The following UNC5C variants were observed in gnomAD, a reference collection of about 807,000 sequenced individuals.
The protein encoded by UNC5C is unc-5 netrin receptor C.
Under a neutral mutation model 99.8 loss-of-function variants are expected in UNC5C, and 47 were observed. That is an observed-to-expected ratio of 0.47 (90% CI 0.37 to 0.60). The LOEUF (loss-of-function observed/expected upper bound fraction) is 0.60, where lower values mean the gene tolerates loss of function less well. Among genes scored for constraint, UNC5C ranks in the 20% least tolerant of loss-of-function variants. UNC5C has a pLI of 0.00. For missense variants in UNC5C, 1,062 were observed against 1,165.9 expected (o/e 0.91, Z 1.30); for synonymous variants, 487 against 452.2 (o/e 1.08, Z -0.98).
intron 3 of UNC5C, among the ~76,000 whole-genome samples, chr4:95,295,596 C>A (rs1399787331): frequency 2.0e-5 from 3 of 152,160 alleles, no homozygotes; most frequent in African/African-American, 4.8e-5. Flanking sequence ...CATGAAAGAA[C>A]TATGGGCCCC....
chr4:95,490,976 T>G (rs992302789), intron 1 of UNC5C, among the ~76,000 whole-genome samples: 2 of 151,674 alleles, frequency 1.3e-5, no homozygotes, highest in African/African-American at 4.8e-5. Flanking sequence ...GGGAATGTTT[T>G]TATCTAGTGT....
chr4:95,324,604 A>G (rs1189884240), intron 2 of UNC5C, among the ~76,000 whole-genome samples: 1 of 152,190 alleles, frequency 6.6e-6, no homozygotes, highest in African/African-American at 2.4e-5. Context: ...GGTCTCATTC[A>G]TATCCCCTCA....
At chr4:95,213,312 T>C (rs1252663947) in intron 10 of UNC5C, among the ~76,000 whole-genome samples, 2 of 152,248 alleles carry the variant, frequency 1.3e-5, no homozygotes, top group African/African-American at 4.8e-5. Context: ...TGCAAACTGC[T>C]ACTAGAAACA....
At chr4:95,386,212 C>G (rs539556539) in intron 1 of UNC5C, among the ~76,000 whole-genome samples, 11 of 150,398 alleles carry the variant, frequency 7.3e-5, no homozygotes, top group African/African-American at 2.7e-4. Context: ...TTTGACACAA[C>G]TTTTTTTTTT....
intron 1 of UNC5C, among the ~76,000 whole-genome samples, chr4:95,451,863 C>A (rs1225194139): frequency 1.3e-5 from 2 of 152,072 alleles, no homozygotes; most frequent in Admixed American, 6.6e-5. Context: ...CTATCTTATA[C>A]TATATGTCTT....
At chr4:95,311,814 C>A (rs1742286571) in intron 2 of UNC5C, among the ~76,000 whole-genome samples, 1 of 152,170 alleles carries the variant, frequency 6.6e-6, no homozygotes, top group Middle Eastern at 3.4e-3. Context: ...GAGGCCTAGG[C>A]AAGAGGATTG....
chr4:95,415,371 A>C (rs758248590), intron 1 of UNC5C, among the ~76,000 whole-genome samples: 2 of 152,106 alleles, frequency 1.3e-5, no homozygotes, highest in Non-Finnish European at 2.9e-5. Context: ...AAACAAAACA[A>C]AACCCTACAG....
At chr4:95,195,606 CAGG>C (rs1272144759) in intron 12 of UNC5C, among the ~76,000 whole-genome samples, 3 of 152,062 alleles carry the variant, frequency 2.0e-5, no homozygotes, top group Non-Finnish European at 4.4e-5. Context: ...GAGGAAATGC[CAGG>C]AGGACATCAG....
intron 1 of UNC5C, among the ~76,000 whole-genome samples, chr4:95,457,619 G>A (rs1747479474): frequency 6.6e-6 from 1 of 152,038 alleles, no homozygotes; most frequent in Admixed American, 6.6e-5. Flanking sequence ...TGGAGTACCA[G>A]GGTCAAACTG....
At chr4:95,252,580 G>A (rs1387297256) in intron 4 of UNC5C, among the ~76,000 whole-genome samples, 1 of 152,146 alleles carries the variant, frequency 6.6e-6, no homozygotes, top group Non-Finnish European at 1.5e-5. Flanking sequence ...GAAGTCCCTT[G>A]CAGGGATGAG....
chr4:95,343,719 G>C (rs1345997689), intron 1 of UNC5C, among the ~76,000 whole-genome samples: 8 of 152,032 alleles, frequency 5.3e-5, no homozygotes, highest in Admixed American at 5.3e-4. Context: ...AATTATATCA[G>C]ATACATTTAG....
At chr4:95,386,462 T>A (rs1168984602) in intron 1 of UNC5C, among the ~76,000 whole-genome samples, 2 of 152,146 alleles carry the variant, frequency 1.3e-5, no homozygotes, top group African/African-American at 2.4e-5. Context: ...TTCAATCTTA[T>A]CTCTTTCTTT....
chr4:95,253,056 A>C (rs2149382949), intron 4 of UNC5C, among the ~76,000 whole-genome samples: 1 of 152,254 alleles, frequency 6.6e-6, no homozygotes, highest in African/African-American at 2.4e-5. Context: ...TGAAGTCCAA[A>C]ACAATTCTGG....
chr4:95,438,342 G>A (rs555544807), intron 1 of UNC5C, among the ~76,000 whole-genome samples: 1 of 152,186 alleles, frequency 6.6e-6, no homozygotes, highest in African/African-American at 2.4e-5. Context: ...TATCAGTGCA[G>A]ATTAGAAGAA....
intron 10 of UNC5C, among the ~76,000 whole-genome samples, chr4:95,212,888 C>T (rs1351458419): frequency 1.3e-5 from 2 of 152,234 alleles, no homozygotes; most frequent in African/African-American, 4.8e-5. Context: ...TCTCCATTCT[C>T]TCAGACTGGG....
chr4:95,535,051 G>A (rs1722739766), intron 1 of UNC5C, among the ~76,000 whole-genome samples: 1 of 152,096 alleles, frequency 6.6e-6, no homozygotes, highest in Non-Finnish European at 1.5e-5. Flanking sequence ...GTACAGTGGA[G>A]AAAAGCACAA....
At chr4:95,442,062 G>T (rs944609111) in intron 1 of UNC5C, among the ~76,000 whole-genome samples, 3 of 152,146 alleles carry the variant, frequency 2.0e-5, no homozygotes, top group Admixed American at 6.5e-5. Context: ...GACATGTGAC[G>T]CTGTGAACCA....
At chr4:95,446,004 T>TGG (rs548670406) in intron 1 of UNC5C, among the ~76,000 whole-genome samples, 2 of 151,028 alleles carry the variant, frequency 1.3e-5, no homozygotes, top group African/African-American at 4.9e-5. Context: ...AAAAACAACG[T>TGG]GGGGGGGTGG....
intron 1 of UNC5C, among the ~76,000 whole-genome samples, chr4:95,381,053 C>A (rs539806887): frequency 2.6e-5 from 4 of 152,140 alleles, no homozygotes; most frequent in African/African-American, 9.7e-5. Context: ...ATTTAATATT[C>A]TTAATTCAAA....
Sources: gnomAD v4.1 joint callset for allele counts (sites outside exome capture counted in the v4.1 genomes callset) on GRCh38, gnomAD v4.1.1 for gene constraint, MANE v1.5 for transcripts, NCBI Gene and HGNC (gene_info 2026-07-23, HGNC 2026-07-21) for gene names.